The following FNDC3A variants were observed in gnomAD, a reference collection of about 807,000 sequenced individuals.
The protein encoded by FNDC3A is fibronectin type III domain containing 3A.
Under a neutral mutation model 148.9 loss-of-function variants are expected in FNDC3A, and 32 were observed. The ratio of observed to expected loss-of-function variants is 0.21; its 90% CI spans 0.16 to 0.29. FNDC3A has a LOEUF of 0.29. Among genes scored for constraint, FNDC3A ranks in the 10% least tolerant of loss-of-function variants. The probability of loss-of-function intolerance (pLI) is 1.00; values close to 1 mark genes in which losing one functional copy is unlikely to be tolerated. For synonymous variants in FNDC3A, 472 were observed against 473.6 expected, an observed-to-expected ratio of 1.00 and a Z score of 0.04; for missense variants, 1,191 against 1,452.8, an observed-to-expected ratio of 0.82 and a Z score of 2.93.
intron 2 of FNDC3A, among the ~76,000 whole-genome samples, chr13:49,038,621 G>A (rs531291790): frequency 6.6e-6 from 1 of 152,164 alleles, no homozygotes; most frequent in East Asian, 1.9e-4. Flanking sequence ...TAATATGGTA[G>A]CCAAGATAAT....
chr13:49,199,880 C>G (rs1886345277), intron 23 of FNDC3A, among the ~76,000 whole-genome samples: 1 of 152,114 alleles, frequency 6.6e-6, no homozygotes, highest in South Asian at 2.1e-4. Context: ...TCTTTCTGTG[C>G]CTCTTTCACA....
intron 7 of FNDC3A, 104 bp downstream of exon 7, chr13:49,138,909 G>A (rs993397171): frequency 2.2e-5 from 13 of 581,112 alleles, no homozygotes; most frequent in Middle Eastern, 4.8e-4. Context: ...TATGAAAATA[G>A]GATCATACTG....
chr13:49,186,844 G>A (rs1173692070), intron 15 of FNDC3A, among the ~76,000 whole-genome samples: 1 of 152,028 alleles, frequency 6.6e-6, no homozygotes, highest in Non-Finnish European at 1.5e-5. Flanking sequence ...TTCCAGCCTG[G>A]GCAACAGAGT....
intron 3 of FNDC3A, among the ~76,000 whole-genome samples, chr13:49,111,782 A>T (rs1420679634): frequency 6.6e-6 from 1 of 152,050 alleles, no homozygotes; most frequent in Non-Finnish European, 1.5e-5. Context: ...ATAAAAAAAA[A>T]ATTTTTTTGC....
chr13:49,158,673 T>G (rs947644188), intron 8 of FNDC3A, among the ~76,000 whole-genome samples: 1 of 152,248 alleles, frequency 6.6e-6, no homozygotes, highest in Admixed American at 6.5e-5. Context: ...TTTCGGTGTT[T>G]TAGTCATGAA....
At chr13:49,018,380 C>G (rs554680113) in intron 2 of FNDC3A, among the ~76,000 whole-genome samples, 1,771 of 152,282 alleles carry the variant, frequency 0.012, 13 homozygotes, top group Non-Finnish European at 0.019. Flanking sequence ...ACCCTTTCTT[C>G]CAGTTGATCG....
chr13:49,071,763 T>C (rs993207833), intron 2 of FNDC3A, among the ~76,000 whole-genome samples: 2 of 151,978 alleles, frequency 1.3e-5, no homozygotes, highest in Non-Finnish European at 2.9e-5. Flanking sequence ...TTGAGAGCCT[T>C]ACATATTCCA....
chr13:49,098,620 T>C (rs1023056871), intron 3 of FNDC3A, among the ~76,000 whole-genome samples: 6 of 152,144 alleles, frequency 3.9e-5, no homozygotes, highest in African/African-American at 1.4e-4. Flanking sequence ...AGTTTTCTAT[T>C]TATATGCAGT....
In FNDC3A at chr13:49,196,924, A is replaced by G. The variant is rs755282906; in HGVS notation, c.2274A>G (p.Pro758=). ...GTGATATTACTACAGCCCCTGGGCC[A>G]CCAGATCAGTGCAAGCCCCCTCAAG... The part of the protein sequence containing the change: ...EKCDITTAPG[P]PDQCKPPQVT... The change falls in exon 20 of 26, where the codon CCA becomes CCG. Residue 758 remains proline, a synonymous_variant. Coordinates refer to ENST00000492622, the MANE Select transcript of FNDC3A (RefSeq NM_001079673.2). 2 of 1,612,056 alleles carry G rather than the reference A, an allele frequency of 1.2e-6. No homozygotes were observed. The highest frequency in any genetic ancestry group is 2.2e-5 in the South Asian group (2 of 90,572).
chr13:49,125,866 A>C (rs901978654), intron 4 of FNDC3A, among the ~76,000 whole-genome samples: 1 of 152,190 alleles, frequency 6.6e-6, no homozygotes, highest in Non-Finnish European at 1.5e-5. Context: ...GAAGAAAAAA[A>C]AACATGTCTT....
intron 2 of FNDC3A, chr13:49,044,668 T>C: frequency 4.5e-6 from 1 of 224,246 alleles, no homozygotes; most frequent in South Asian, 6.3e-5. Flanking sequence ...AGACTCTGTC[T>C]CAAAAAAAAA....
At chr13:48,977,915 AC>A (rs1215753226) in intron 1 of FNDC3A, among the ~76,000 whole-genome samples, 1 of 152,102 alleles carries the variant, frequency 6.6e-6, no homozygotes, top group Non-Finnish European at 1.5e-5. Flanking sequence ...CAGGCTGGCT[AC>A]CGTTAGCCAC....
At chr13:49,062,988 A>G (rs965935978) in intron 2 of FNDC3A, among the ~76,000 whole-genome samples, 1 of 152,164 alleles carries the variant, frequency 6.6e-6, no homozygotes, top group Non-Finnish European at 1.5e-5. Flanking sequence ...TATCAGTTTT[A>G]TGTGTATATC....
chr13:49,203,232 C>T lies in FNDC3A; in HGVS notation c.3230C>T (p.Pro1077Leu). 2 of 1,603,796 alleles carry T rather than the reference C, an allele frequency of 1.2e-6. No homozygotes were observed. Among genetic ancestry groups the T allele is most frequent in the Non-Finnish European group, 1.7e-6 (2 of 1,171,138 alleles). The change falls in exon 25 of 26, where the codon CCA (proline) becomes CTA (leucine). Residue 1077 changes from proline (P) to leucine (L), a missense_variant. Transcript: ENST00000492622. Reference sequence around the variant, plus strand: ...TGTTTACAGCCAATGAAAGGTGATCCAGTTATTTACAGTCTTCAAGTTATG... The same window carrying T: ...TGTTTACAGCCAATGAAAGGTGATCTAGTTATTTACAGTCTTCAAGTTATG... Reference protein sequence around the residue: ...WECLQPMKGDPVIYSLQVMLG... With the variant: ...WECLQPMKGDLVIYSLQVMLG...
rs185689698 is a variant in FNDC3A, at chr13:49,166,138, C to T, written c.978-1106C>T. ...GAGGCGGCAGTGGCTATGCTGCAGA[C>T]CTGCTATTAGGGAGGGCTTTCAGTG... On this transcript the variant is annotated intron_variant, in intron 8 of 25. Transcript: ENST00000492622. 6.9e-3 allele frequency among the ~76,000 whole-genome samples: 1,049 copies of T among 152,330 alleles called. 6 individuals are homozygous for T. The highest frequency in any genetic ancestry group is 0.023 in the South Asian group (109 of 4,828).
chr13:49,123,125 G>A (rs1881468336), intron 4 of FNDC3A, among the ~76,000 whole-genome samples: 1 of 152,054 alleles, frequency 6.6e-6, no homozygotes, highest in African/African-American at 2.4e-5. Flanking sequence ...AACCAAAACA[G>A]CAAGGTACTG....
chr13:49,146,156 CTT>C, intron 8 of FNDC3A: 1 of 446,346 alleles, frequency 2.2e-6, no homozygotes. Flanking sequence ...CCACATTCAG[CTT>C]TTTTTTTCCC....
At chr13:49,153,562 CT>C (rs1883459868) in intron 8 of FNDC3A, among the ~76,000 whole-genome samples, 1 of 152,126 alleles carries the variant, frequency 6.6e-6, no homozygotes, top group Non-Finnish European at 1.5e-5. Flanking sequence ...GTTTCCATTG[CT>C]TTTGGTGTTT....
intron 2 of FNDC3A, among the ~76,000 whole-genome samples, chr13:49,041,001 T>C (rs1335477836): frequency 2.6e-5 from 4 of 152,238 alleles, no homozygotes; most frequent in Non-Finnish European, 5.9e-5. Flanking sequence ...AATGAGATTA[T>C]GGAAAATTCC....
Sources: gnomAD v4.1 joint callset for allele counts (sites outside exome capture counted in the v4.1 genomes callset) on GRCh38, gnomAD v4.1.1 for gene constraint, MANE v1.5 for transcripts, NCBI Gene and HGNC (gene_info 2026-07-23, HGNC 2026-07-21) for gene names.